Variants in PTPRD observed in about 807,000 individuals in gnomAD.
The protein encoded by PTPRD is protein tyrosine phosphatase receptor type D.
Under a neutral mutation model 214.5 loss-of-function variants are expected in PTPRD, and 34 were observed. The observed-to-expected ratio is 0.16, with a 90% confidence interval of 0.12 to 0.21. The LOEUF (loss-of-function observed/expected upper bound fraction) is 0.21, where lower values mean the gene tolerates loss of function less well. PTPRD is among the 10% of genes least tolerant of loss of function. The probability of loss-of-function intolerance (pLI) is 1.00; values close to 1 mark genes in which losing one functional copy is unlikely to be tolerated. For missense variants in PTPRD, 2,545 were observed against 2,398.7 expected (o/e 1.06, Z -1.27); for synonymous variants, 1,128 against 845.7 (o/e 1.33, Z -5.79).
chr9:10,072,763 C>T (rs1196885789), intron 3 of PTPRD, among the ~76,000 whole-genome samples: 2 of 152,052 alleles, frequency 1.3e-5, no homozygotes, highest in African/African-American at 2.4e-5. Context: ...CTGATTGGTG[C>T]ACTTTGGAAG....
At chr9:8,556,574 C>A (rs182718890) in intron 14 of PTPRD, among the ~76,000 whole-genome samples, 33 of 141,280 alleles carry the variant, frequency 2.3e-4, no homozygotes, top group Admixed American at 1.2e-3. Flanking sequence ...CTTTATATAT[C>A]TGTTAGAATA....
At chr9:10,531,689 G>C (rs971503513) in intron 2 of PTPRD, among the ~76,000 whole-genome samples, 5 of 152,246 alleles carry the variant, frequency 3.3e-5, no homozygotes, top group African/African-American at 1.2e-4. Context: ...TATGCATTTT[G>C]TGTCTTTCTA....
intron 31 of PTPRD, among the ~76,000 whole-genome samples, chr9:8,467,500 T>C (rs571553254): frequency 2.2e-3 from 328 of 152,020 alleles, no homozygotes; most frequent in African/African-American, 7.4e-3. Flanking sequence ...AATATTATCC[T>C]CATTTTATAA....
At chr9:9,433,225 C>T (rs1277007560) in intron 8 of PTPRD, among the ~76,000 whole-genome samples, 1 of 152,102 alleles carries the variant, frequency 6.6e-6, no homozygotes, top group Non-Finnish European at 1.5e-5. Context: ...ACTCGAGATG[C>T]CGATACACTT....
At chr9:9,949,068 A>G (rs1020285803) in intron 4 of PTPRD, among the ~76,000 whole-genome samples, 1 of 152,048 alleles carries the variant, frequency 6.6e-6, no homozygotes, top group Non-Finnish European at 1.5e-5. Flanking sequence ...AAATTATAAG[A>G]ATTGTTCATA....
At chr9:9,556,219 C>T (rs889184317) in intron 8 of PTPRD, among the ~76,000 whole-genome samples, 3 of 151,888 alleles carry the variant, frequency 2.0e-5, no homozygotes, top group South Asian at 2.1e-4. Flanking sequence ...CATTAGAAAG[C>T]GAAAATATAT....
chr9:8,713,364 C>G, intron 12 of PTPRD: 1 of 1,041,164 alleles, frequency 9.6e-7, no homozygotes, highest in Non-Finnish European at 1.5e-6. Flanking sequence ...GCCGCCTGCC[C>G]ACTCCCAAAT....
At chr9:9,023,143 T>G (rs1181208242) in intron 10 of PTPRD, among the ~76,000 whole-genome samples, 1 of 152,156 alleles carries the variant, frequency 6.6e-6, no homozygotes, top group Non-Finnish European at 1.5e-5. Flanking sequence ...ACACAAATGC[T>G]TTGTACAGTG....
chr9:10,116,422 G>T (rs556902121), intron 3 of PTPRD, among the ~76,000 whole-genome samples: 30 of 152,078 alleles, frequency 2.0e-4, no homozygotes, highest in East Asian at 3.9e-4. Flanking sequence ...GTCACTAAAA[G>T]AAATCATAGA....
chr9:10,512,555 T>C (rs2048660646), intron 2 of PTPRD, among the ~76,000 whole-genome samples: 1 of 152,170 alleles, frequency 6.6e-6, no homozygotes, highest in Non-Finnish European at 1.5e-5. Context: ...TAATTTCTAC[T>C]TTAACAGAAA....
intron 2 of PTPRD, among the ~76,000 whole-genome samples, chr9:10,469,454 C>T (rs75752143): frequency 6.6e-6 from 1 of 151,878 alleles, no homozygotes; most frequent in Non-Finnish European, 1.5e-5. Flanking sequence ...TTAAAGATAG[C>T]AATGCACTAA....
At chr9:10,255,761 C>G (rs1212275702) in intron 3 of PTPRD, among the ~76,000 whole-genome samples, 1 of 152,092 alleles carries the variant, frequency 6.6e-6, no homozygotes, top group African/African-American at 2.4e-5. Flanking sequence ...ACAAAAATTT[C>G]TTTTTAAATA....
rs750132927 is a variant in PTPRD, at chr9:8,492,941, G to A, written c.2388C>T (p.Tyr796=). 1 of 1,613,760 alleles carries A rather than the reference G, an allele frequency of 6.2e-7. No homozygotes were observed. The highest frequency in any genetic ancestry group is 1.1e-5 in the South Asian group (1 of 91,070). Residue 796 remains tyrosine (Y), a synonymous_variant, in exon 27 of 46, where the codon TAC becomes TAT. Coordinates refer to ENST00000381196, the MANE Select transcript of PTPRD (RefSeq NM_002839.4). The part of the protein sequence containing the change: ...IISGLQPETS[Y]SLTVTAYTTK... The stretch of plus-strand genomic sequence containing the variant: ...TTGTGTAGGCTGTGACGGTGAGGGA[G>A]TAGGAAGTTTCAGGCTGGAGCCCAG...
chr9:8,654,066 C>A (rs987581372), intron 12 of PTPRD, among the ~76,000 whole-genome samples: 2 of 152,164 alleles, frequency 1.3e-5, no homozygotes, highest in African/African-American at 4.8e-5. Context: ...GATTGAGCAA[C>A]ATCCCTGGCT....
intron 3 of PTPRD, among the ~76,000 whole-genome samples, chr9:10,231,890 A>C (rs570845200): frequency 6.6e-6 from 1 of 150,798 alleles, no homozygotes; most frequent in Non-Finnish European, 1.5e-5. Context: ...TATCTTAGTG[A>C]CATTCTCTTG....
intron 3 of PTPRD, among the ~76,000 whole-genome samples, chr9:10,106,363 A>G (rs970482347): frequency 6.6e-6 from 1 of 151,954 alleles, no homozygotes; most frequent in South Asian, 2.1e-4. Context: ...TTTATTCATT[A>G]CAGGCTGAGG....
intron 9 of PTPRD, among the ~76,000 whole-genome samples, chr9:9,215,789 T>C (rs1199376880): frequency 1.3e-5 from 2 of 152,202 alleles, no homozygotes; most frequent in African/African-American, 2.4e-5. Context: ...GAATGATTCA[T>C]AAAATCCTCT....
intron 27 of PTPRD, among the ~76,000 whole-genome samples, chr9:8,487,787 G>A (rs566545896): frequency 2.0e-5 from 3 of 151,828 alleles, no homozygotes; most frequent in African/African-American, 4.8e-5. Flanking sequence ...TCCAGCCTGG[G>A]CAACAAGAGC....
chr9:8,852,958 G>T (rs1217082411), intron 11 of PTPRD, among the ~76,000 whole-genome samples: 1 of 152,140 alleles, frequency 6.6e-6, no homozygotes, highest in Non-Finnish European at 1.5e-5. Flanking sequence ...TTCCCTGTGA[G>T]TTGCTTCGAG....
Sources: gnomAD v4.1 joint callset for allele counts (sites outside exome capture counted in the v4.1 genomes callset) on GRCh38, gnomAD v4.1.1 for gene constraint, MANE v1.5 for transcripts, NCBI Gene and HGNC (gene_info 2026-07-23, HGNC 2026-07-21) for gene names.